RALGAPA2: variants seen among roughly 807,000 people sequenced by gnomAD.
The protein encoded by RALGAPA2 is ral GTPase-activating protein subunit alpha-2.
Under a neutral mutation model 230.4 loss-of-function variants are expected in RALGAPA2, and 139 were observed. The ratio of observed to expected loss-of-function variants is 0.60; its 90% CI spans 0.53 to 0.69. The LOEUF (loss-of-function observed/expected upper bound fraction) is 0.69. RALGAPA2 is among the 30% of genes least tolerant of loss of function. The pLI, the probability that RALGAPA2 is intolerant of heterozygous loss-of-function variation, is 0.00. For synonymous variants in RALGAPA2, 847 were observed against 837.8 expected (o/e 1.01, Z -0.19); for missense variants, 2,163 against 2,276.0 (o/e 0.95, Z 1.01).
intron 38 of RALGAPA2, among the ~76,000 whole-genome samples, chr20:20,402,228 G>GA (rs2059857860): frequency 6.6e-6 from 1 of 152,220 alleles, no homozygotes; most frequent in East Asian, 1.9e-4. Context: ...TGGGAGGGGG[G>GA]ACTCTGGGGA....
intron 37 of RALGAPA2, among the ~76,000 whole-genome samples, chr20:20,431,249 G>A (rs1253394183): frequency 2.0e-5 from 3 of 152,308 alleles, no homozygotes; most frequent in East Asian, 1.9e-4. Context: ...GAGAGAGGCC[G>A]GAGTCTAGAC....
chr20:20,555,526 A>G (rs1006961489), intron 23 of RALGAPA2, among the ~76,000 whole-genome samples: 1 of 152,174 alleles, frequency 6.6e-6, no homozygotes, highest in Non-Finnish European at 1.5e-5. Flanking sequence ...TGCTATCTTA[A>G]TAATATTAAG....
chr20:20,490,861 AACACACACACACACACACACAC>A (rs34230105), intron 36 of RALGAPA2, among the ~76,000 whole-genome samples: 3 of 142,212 alleles, frequency 2.1e-5, no homozygotes, highest in Non-Finnish European at 4.6e-5. Context: ...AACACACATG[AACACACACACACACACACACAC>A]ACACACACAC....
chr20:20,418,158 A>G (rs777619839), intron 37 of RALGAPA2, among the ~76,000 whole-genome samples: 18 of 152,234 alleles, frequency 1.2e-4, no homozygotes, highest in Non-Finnish European at 2.5e-4. Flanking sequence ...CCAGAATATA[A>G]GAAGAACGCC....
intron 1 of RALGAPA2, among the ~76,000 whole-genome samples, chr20:20,708,438 C>T (rs1372315231): frequency 2.0e-5 from 3 of 152,152 alleles, no homozygotes; most frequent in Non-Finnish European, 4.4e-5. Context: ...TGGCTTCCCC[C>T]ATACTGTTCT....
chr20:20,489,996 G>C (rs1390078527), intron 36 of RALGAPA2, among the ~76,000 whole-genome samples: 1 of 152,216 alleles, frequency 6.6e-6, no homozygotes, highest in Non-Finnish European at 1.5e-5. Context: ...CTTAAAAAAG[G>C]GGAAACAACG....
chr20:20,669,546 AC>A (rs2146737425), intron 3 of RALGAPA2, among the ~76,000 whole-genome samples: 1 of 152,226 alleles, frequency 6.6e-6, no homozygotes, highest in East Asian at 1.9e-4. Flanking sequence ...ACCAGGAGCT[AC>A]CCCTACAGCC....
intron 10 of RALGAPA2, among the ~76,000 whole-genome samples, chr20:20,624,434 C>T (rs143440737): frequency 5.3e-4 from 79 of 150,128 alleles, no homozygotes; most frequent in Middle Eastern, 3.5e-3. Context: ...CACTCAATGA[C>T]AAAACAAGGC....
At chr20:20,538,933 T>G (rs2063568505) in intron 24 of RALGAPA2, among the ~76,000 whole-genome samples, 1 of 152,098 alleles carries the variant, frequency 6.6e-6, no homozygotes, top group African/African-American at 2.4e-5. Flanking sequence ...CACCACAGAT[T>G]GGTTTTGTCT....
intron 10 of RALGAPA2, among the ~76,000 whole-genome samples, chr20:20,622,384 CA>C (rs1394427130): frequency 6.6e-6 from 1 of 151,920 alleles, no homozygotes; most frequent in Non-Finnish European, 1.5e-5. Flanking sequence ...CAAAGAAAAA[CA>C]AGGATAAATG....
intron 16 of RALGAPA2, among the ~76,000 whole-genome samples, chr20:20,601,254 C>A (rs116526881): frequency 1.5e-3 from 225 of 152,274 alleles, no homozygotes; most frequent in African/African-American, 5.2e-3. Flanking sequence ...GCTCAATTTT[C>A]CAAAGGAGCA....
At chr20:20,412,451 A>G (rs1451906794) in intron 37 of RALGAPA2, among the ~76,000 whole-genome samples, 2 of 152,256 alleles carry the variant, frequency 1.3e-5, no homozygotes, top group African/African-American at 2.4e-5. Context: ...AACAGGAGAT[A>G]CTGATTGCAA....
At chr20:20,478,808 T>C (rs557634663) in intron 36 of RALGAPA2, among the ~76,000 whole-genome samples, 1 of 151,408 alleles carries the variant, frequency 6.6e-6, no homozygotes, top group East Asian at 1.9e-4. Flanking sequence ...CTCAGCATCA[T>C]GCAATATACC....
intron 19 of RALGAPA2, among the ~76,000 whole-genome samples, chr20:20,583,457 C>A (rs73292772): frequency 0.011 from 1,662 of 152,282 alleles, 25 homozygotes; most frequent in African/African-American, 0.038. Context: ...ATGAGCACCA[C>A]TATGTATCAT....
chr20:20,452,247 T>C (rs1276409677), intron 37 of RALGAPA2, among the ~76,000 whole-genome samples: 2 of 152,234 alleles, frequency 1.3e-5, no homozygotes, highest in Non-Finnish European at 2.9e-5. Flanking sequence ...TTTCAGTAAG[T>C]ATAACAAATT....
At chr20:20,517,612 C>T (rs2062911461) in intron 31 of RALGAPA2, among the ~76,000 whole-genome samples, 1 of 152,106 alleles carries the variant, frequency 6.6e-6, no homozygotes, top group South Asian at 2.1e-4. Context: ...CCTTGCCATT[C>T]CAATTCCACA....
chr20:20,590,313 T>TA (rs528189454), intron 17 of RALGAPA2, among the ~76,000 whole-genome samples: 1 of 150,780 alleles, frequency 6.6e-6, no homozygotes, highest in Non-Finnish European at 1.5e-5. Flanking sequence ...CAAATATGTA[T>TA]AAAAAAAAAG....
At chr20:20,707,338 T>C (rs910577909) in intron 1 of RALGAPA2, among the ~76,000 whole-genome samples, 5 of 151,740 alleles carry the variant, frequency 3.3e-5, no homozygotes, top group Admixed American at 2.0e-4. Context: ...TAAGGAAATA[T>C]CGAAAAAGCT....
intron 36 of RALGAPA2, among the ~76,000 whole-genome samples, chr20:20,485,374 T>C (rs1332208918): frequency 2.0e-5 from 3 of 152,258 alleles, no homozygotes; most frequent in African/African-American, 7.2e-5. Flanking sequence ...TCTTCACATT[T>C]AAAGTGGGTC....
Sources: allele counts gnomAD v4.1 joint callset (sites outside exome capture counted in the v4.1 genomes callset), GRCh38; gene constraint gnomAD v4.1.1; transcripts MANE v1.5; gene names NCBI Gene and HGNC (gene_info 2026-07-23, HGNC 2026-07-21).